Variants in SKI observed in about 807,000 individuals in gnomAD.
The protein encoded by SKI is SKI proto-oncogene.
In SKI, 23 loss-of-function variants were observed where a neutral mutation model predicts 59.3. The ratio of observed to expected loss-of-function variants is 0.39; its 90% CI spans 0.28 to 0.55. The LOEUF (loss-of-function observed/expected upper bound fraction) is 0.55. Ranked by LOEUF, SKI falls within the 20% of genes least tolerant of loss-of-function variation. The pLI is 0.67. For missense variants in SKI, 1,017 were observed against 1,038.9 expected, an observed-to-expected ratio of 0.98 and a Z score of 0.29; for synonymous variants, 673 against 488.6, an observed-to-expected ratio of 1.38 and a Z score of -4.98.
chr1:2,284,207 C>T (rs773402652), intron 1 of SKI, among the ~76,000 whole-genome samples: 17 of 152,282 alleles, frequency 1.1e-4, no homozygotes, highest in Non-Finnish European at 2.1e-4. Flanking sequence ...ACACAGCGTC[C>T]TCCCCGTTCC....
intron 1 of SKI, among the ~76,000 whole-genome samples, chr1:2,302,048 G>C (rs967224692): frequency 6.6e-6 from 1 of 152,254 alleles, no homozygotes; most frequent in African/African-American, 2.4e-5. Context: ...GGGGTTTCCA[G>C]CCGCAGGGCT....
At position 2,303,794 on chromosome 1, in the gene SKI, TG is replaced by T. The variant is rs1424842025; in HGVS notation, c.1212-45del. 1 of 1,608,036 alleles carries T rather than the reference TG, an allele frequency of 6.2e-7. No homozygotes were observed. Among genetic ancestry groups the T allele is most frequent in the Middle Eastern group, 1.7e-4 (1 of 5,720 alleles). ...TGTGCGCCAGGATGTGTCTGGGTGG[TG>T]CTTGGGGACAGAGGCACCTTCCCGA... On this transcript the variant is annotated intron_variant, in intron 3 of 6. Transcript: ENST00000378536. This position sits in a 1 kb window ranked among gnomAD's most constrained non-coding sequence, Gnocchi z 5.6.
At chr1:2,298,522 G>A (rs954027663) in intron 1 of SKI, among the ~76,000 whole-genome samples, 1 of 152,224 alleles carries the variant, frequency 6.6e-6, no homozygotes, top group Non-Finnish European at 1.5e-5. Flanking sequence ...CCCTGAGGCA[G>A]CATGAGCAGA....
In SKI at chr1:2,303,455, C is replaced by T; in HGVS notation, c.1211+55C>T. On this transcript the variant is annotated intron_variant, in intron 3 of 6. Coordinates refer to ENST00000378536, the MANE Select transcript of SKI (RefSeq NM_003036.4). This position sits in a 1 kb window ranked among gnomAD's most constrained non-coding sequence, Gnocchi z 5.6. ...GATCACGGGGGAGGCTCCACGAGGGCTGTGCATGCGGACGCGCCCATGTTT... is the reference window on the plus strand; with the variant it reads ...GATCACGGGGGAGGCTCCACGAGGGTTGTGCATGCGGACGCGCCCATGTTT... The T allele has an allele frequency of 6.7e-7, 1 of 1,487,302 alleles. No homozygotes were observed. Among genetic ancestry groups the T allele is most frequent in the Middle Eastern group, 1.7e-4 (1 of 5,772 alleles). 92.1% of individuals were successfully genotyped at this position (1,487,302 alleles called of 1,614,324 possible).
rs1640698217 is a variant in SKI, at chr1:2,309,681, C to T, written c.*2916C>T. ...TGAGCCCCGGCCCCCCCCACCTCCT[C>T]CTCCCTGTGGGTCCGAACCCCGGCC... On this transcript the variant is annotated 3_prime_UTR_variant, in exon 7 of 7. Transcript: ENST00000378536. The T allele has an allele frequency of 8.4e-6, 1 of 118,674 alleles. No individual in the cohort carries two copies. 7.4% of individuals were successfully genotyped at this position (118,674 alleles called of 1,614,324 possible). A position where few individuals can be genotyped will look rare whatever the true frequency, so the allele number is the denominator to read the frequency against.
In SKI at chr1:2,256,842, G is replaced by A. The variant is rs199839888; in HGVS notation, c.969+27107G>A. 6.6e-5 allele frequency among the ~76,000 whole-genome samples: 10 copies of A among 152,340 alleles called. No homozygotes were observed. In the East Asian group the frequency reaches 1.2e-3, roughly 18 times the overall value. ...AATGTCTTGTCAGACACCTCGAGGC[G>A]GCTTGTGTTTGGCCCTGTGTTGGGC... On this transcript the variant is annotated intron_variant, in intron 1 of 6. Transcript: ENST00000378536.
intron 1 of SKI, among the ~76,000 whole-genome samples, chr1:2,255,749 C>T (rs971554490): frequency 6.6e-6 from 1 of 151,574 alleles, no homozygotes; most frequent in Admixed American, 6.6e-5. Context: ...GTCTGTGCCA[C>T]TTTGTCCGGA....
chr1:2,267,746 G>A lies in SKI; in HGVS notation c.970-35232G>A, dbSNP rs1639530227. Among the ~76,000 whole-genome samples the A allele has an allele frequency of 2.0e-5, 3 of 152,220 alleles. No homozygotes were observed. The highest frequency in any genetic ancestry group is 7.2e-5 in the African/African-American group (3 of 41,462). ...AGCTGGGACATCCTGAGGTGTGTGA[G>A]GCTGATGCATGGGCCTTTCTACTTC... On this transcript the variant is annotated intron_variant, in intron 1 of 6. Coordinates refer to ENST00000378536, the MANE Select transcript of SKI (RefSeq NM_003036.4). The surrounding 1 kb of genome is among the most constrained non-coding windows in gnomAD (Gnocchi z 4.1).
intron 1 of SKI, among the ~76,000 whole-genome samples, chr1:2,260,558 T>TTTTTTTTTG (rs57697222): frequency 7.1e-6 from 1 of 140,958 alleles, no homozygotes; most frequent in Non-Finnish European, 1.5e-5. Context: ...TTTTTTTTTT[T>TTTTTTTTTG]GAGACAGGGT....
At chr1:2,271,535 C>T (rs1557831727) in intron 1 of SKI, among the ~76,000 whole-genome samples, 1 of 152,196 alleles carries the variant, frequency 6.6e-6, no homozygotes, top group Non-Finnish European at 1.5e-5. Context: ...GAGTGCCCGG[C>T]TGCCCTCGGC....
intron 1 of SKI, among the ~76,000 whole-genome samples, chr1:2,255,918 G>C (rs1639264292): frequency 7.2e-6 from 1 of 138,180 alleles, no homozygotes; most frequent in African/African-American, 2.8e-5. Flanking sequence ...TCTGGAGCCA[G>C]TGACCTCATT....
chr1:2,273,663 G>C (rs1162097233), intron 1 of SKI, among the ~76,000 whole-genome samples: 1 of 152,196 alleles, frequency 6.6e-6, no homozygotes, highest in Non-Finnish European at 1.5e-5. Flanking sequence ...TGACGAGTGT[G>C]CGACCAGAGT....
intron 1 of SKI, among the ~76,000 whole-genome samples, chr1:2,256,483 G>A (rs1303905110): frequency 6.6e-6 from 1 of 152,236 alleles, no homozygotes; most frequent in East Asian, 1.9e-4. Flanking sequence ...CCGATGGCCA[G>A]CTGGCCCTCA....
intron 1 of SKI, among the ~76,000 whole-genome samples, chr1:2,276,346 T>G (rs1181613556): frequency 1.3e-5 from 2 of 151,836 alleles, no homozygotes; most frequent in East Asian, 4.2e-4. Flanking sequence ...TACTTGAGGT[T>G]TGATATTTAT....
chr1:2,235,495 G>C (rs1386997506), intron 1 of SKI, among the ~76,000 whole-genome samples: 1 of 152,240 alleles, frequency 6.6e-6, no homozygotes, highest in African/African-American at 2.4e-5. Flanking sequence ...GCTCACCCCG[G>C]GGGCTGGGGG....
At chr1:2,274,290 G>A (rs1639694480) in intron 1 of SKI, among the ~76,000 whole-genome samples, 1 of 152,174 alleles carries the variant, frequency 6.6e-6, no homozygotes, top group Admixed American at 6.5e-5. Context: ...CTTGGTTCCG[G>A]CAAGTTCTTG....
chr1:2,259,957 AGAAAGCGGCTGTG>A (rs1353194821), intron 1 of SKI, among the ~76,000 whole-genome samples: 2 of 152,228 alleles, frequency 1.3e-5, no homozygotes, highest in African/African-American at 4.8e-5. Flanking sequence ...ACTGTCACAA[AGAAAGCGGCTGTG>A]AACATTCGGG....
intron 1 of SKI, among the ~76,000 whole-genome samples, chr1:2,258,293 C>T (rs1415991057): frequency 1.3e-5 from 2 of 152,096 alleles, no homozygotes; most frequent in Admixed American, 6.6e-5. Context: ...AGAATGGTCT[C>T]GGCTGGTATG....
rs1241972666 is a variant in SKI at position 2,229,348 on chromosome 1, C to T, written c.582C>T (p.Ala194=). The T allele has an allele frequency of 1.3e-6, 2 of 1,595,650 alleles. No homozygotes were observed. Among genetic ancestry groups the T allele is most frequent in the Non-Finnish European group, 1.7e-6 (2 of 1,171,550 alleles). ...GCAACGCGCTGCTCTACGGCGGCGC[C>T]TACCCGCCGCCCTGCAAGAAGGAGC... is the stretch of plus-strand genomic sequence containing the variant. ...RLCNALLYGG[A]YPPPCKKELA... The change falls in exon 1 of 7, where the codon GCC becomes GCT. Residue 194 remains alanine, a synonymous_variant. Coordinates refer to ENST00000378536, the MANE Select transcript of SKI (RefSeq NM_003036.4). The surrounding 1 kb of genome is among the most constrained non-coding windows in gnomAD (Gnocchi z 6.3).
Sources: allele counts gnomAD v4.1 joint callset (sites outside exome capture counted in the v4.1 genomes callset), GRCh38; gene constraint gnomAD v4.1.1; non-coding constraint Gnocchi (gnomAD v3.1); transcripts MANE v1.5; gene names NCBI Gene and HGNC (gene_info 2026-07-23, HGNC 2026-07-21).